The following GLIS3 variants were observed in gnomAD, a reference collection of about 807,000 sequenced individuals.
GLIS3 encodes the protein zinc finger protein GLIS3.
In GLIS3, 53 loss-of-function variants were observed where a neutral mutation model predicts 78.6. The ratio of observed to expected loss-of-function variants is 0.67; its 90% CI spans 0.54 to 0.85. GLIS3 has a LOEUF of 0.85. Among genes scored for constraint, GLIS3 ranks in the 40% least tolerant of loss-of-function variants. GLIS3 has a pLI of 0.00. For missense variants in GLIS3, 1,703 were observed against 1,231.1 expected (o/e 1.38, Z -5.74); for synonymous variants, 684 against 509.9 (o/e 1.34, Z -4.60).
chr9:4,193,812 A>C (rs1818550938), intron 2 of GLIS3, among the ~76,000 whole-genome samples: 1 of 152,234 alleles, frequency 6.6e-6, no homozygotes, highest in South Asian at 2.1e-4. Flanking sequence ...CCGAACCTCC[A>C]TTCATTTTAC....
chr9:4,263,902 C>T (rs1448460159), intron 2 of GLIS3, among the ~76,000 whole-genome samples: 1 of 152,120 alleles, frequency 6.6e-6, no homozygotes, highest in Non-Finnish European at 1.5e-5. Context: ...CTTCATGGCT[C>T]AGTTATTGGC....
chr9:4,144,350 A>G (rs1208117010), intron 2 of GLIS3, among the ~76,000 whole-genome samples: 6 of 152,212 alleles, frequency 3.9e-5, no homozygotes, highest in Non-Finnish European at 8.8e-5. Flanking sequence ...ATTTTTTGAT[A>G]GGTTATAACA....
intron 4 of GLIS3, among the ~76,000 whole-genome samples, chr9:4,036,535 G>T (rs531577573): frequency 1.3e-5 from 2 of 152,248 alleles, no homozygotes; most frequent in East Asian, 3.9e-4. Context: ...AGCCAAAATG[G>T]GAGGATATAA....
chr9:4,410,131 C>A, the GLIS3 span, among the ~76,000 whole-genome samples: 1 of 150,772 alleles, frequency 6.6e-6, no homozygotes, highest in Non-Finnish European at 1.5e-5. Flanking sequence ...CCACCATGCC[C>A]GGCTATTTTT....
chr9:4,101,256 G>A (rs1259253575), intron 4 of GLIS3, among the ~76,000 whole-genome samples: 1 of 152,158 alleles, frequency 6.6e-6, no homozygotes, highest in Non-Finnish European at 1.5e-5. Flanking sequence ...GATTATGCAT[G>A]GGACAGTGCT....
At chr9:4,448,370 G>A in the GLIS3 span, among the ~76,000 whole-genome samples, 2 of 152,164 alleles carry the variant, frequency 1.3e-5, no homozygotes, top group Non-Finnish European at 2.9e-5. Context: ...CCCATCCCAT[G>A]CTTGTGAGCA....
intron 4 of GLIS3, among the ~76,000 whole-genome samples, chr9:4,059,185 G>C (rs1588566602): frequency 6.6e-6 from 1 of 152,166 alleles, no homozygotes; most frequent in African/African-American, 2.4e-5. Context: ...CAAGTCTTGA[G>C]ATCTGAGCAC....
At chr9:4,417,139 T>C in the GLIS3 span, among the ~76,000 whole-genome samples, 12 of 152,288 alleles carry the variant, frequency 7.9e-5, no homozygotes, top group African/African-American at 2.4e-4. Context: ...GAATAACAAA[T>C]AGTCGATGAC....
At chr9:3,962,705 G>A (rs368393095) in intron 4 of GLIS3, among the ~76,000 whole-genome samples, 1 of 152,128 alleles carries the variant, frequency 6.6e-6, no homozygotes, top group Admixed American at 6.6e-5. Context: ...CAAGAGAAAG[G>A]GGGGAATGTG....
intron 4 of GLIS3, among the ~76,000 whole-genome samples, chr9:3,976,158 A>G (rs937362118): frequency 1.3e-5 from 2 of 152,096 alleles, no homozygotes; most frequent in African/African-American, 4.8e-5. Flanking sequence ...TCCTGCCCCC[A>G]TATGTTTTGT....
intron 8 of GLIS3, among the ~76,000 whole-genome samples, chr9:3,861,923 G>A (rs1430390517): frequency 6.6e-6 from 1 of 151,314 alleles, no homozygotes; most frequent in Admixed American, 6.6e-5. Context: ...TCCTGCAAAT[G>A]TATCCCAGAA....
chr9:3,880,444 C>T (rs1359370256), intron 7 of GLIS3, among the ~76,000 whole-genome samples: 1 of 152,202 alleles, frequency 6.6e-6, no homozygotes, highest in Non-Finnish European at 1.5e-5. Flanking sequence ...GGGACCTACT[C>T]CGTAGACATC....
intron 4 of GLIS3, among the ~76,000 whole-genome samples, chr9:4,013,653 T>G (rs1054300678): frequency 6.6e-6 from 1 of 152,190 alleles, no homozygotes; most frequent in Non-Finnish European, 1.5e-5. Context: ...TGGCTTAAGT[T>G]ATTCTCTGGG....
At position 4,316,033 on chromosome 9, in the gene GLIS3, G is replaced by A. The variant is rs530976622; in HGVS notation, n.265-5505C>T. On this transcript the variant is annotated intron_variant and non_coding_transcript_variant, in intron 2 of 4. Transcript: ENST00000471664. ...AAGAAAACACATATTTATCTGGGAT[G>A]ATCACAATGGAAATTTTAAATACAT... is the stretch of plus-strand genomic sequence containing the variant. Among the ~76,000 whole-genome samples the A allele has an allele frequency of 1.2e-4, 18 of 152,278 alleles. No homozygotes were observed. The South Asian group carries it at 3.1e-3, about 26-fold the overall frequency.
intron 4 of GLIS3, among the ~76,000 whole-genome samples, chr9:4,022,385 G>T (rs531171214): frequency 9.2e-5 from 14 of 152,104 alleles, no homozygotes; most frequent in Non-Finnish European, 1.5e-4. Flanking sequence ...TTCAGCATGC[G>T]TTTTTAATGG....
chr9:3,934,805 T>G (rs1456151437), intron 5 of GLIS3, among the ~76,000 whole-genome samples: 3 of 152,176 alleles, frequency 2.0e-5, no homozygotes, highest in African/African-American at 7.2e-5. Flanking sequence ...TGTCAGCCAC[T>G]AGGGAAGGAC....
the GLIS3 span, among the ~76,000 whole-genome samples, chr9:4,384,474 TTC>T: frequency 6.6e-6 from 1 of 151,828 alleles, no homozygotes; most frequent in Admixed American, 6.6e-5. Flanking sequence ...TTGAAATTGT[TTC>T]TTTTTCTCTT....
the GLIS3 span, among the ~76,000 whole-genome samples, chr9:4,483,315 C>G: frequency 4.5e-3 from 681 of 152,298 alleles, 1 homozygote; most frequent in Non-Finnish European, 5.3e-3. Flanking sequence ...ACATTAGAGA[C>G]CAAAGTGTCT....
chr9:4,137,010 G>C (rs1188161248), intron 2 of GLIS3, among the ~76,000 whole-genome samples: 7 of 152,162 alleles, frequency 4.6e-5, no homozygotes, highest in African/African-American at 7.2e-5. Flanking sequence ...TAGGAGCAGA[G>C]TTCACCCAAG....
Sources: gnomAD v4.1 joint callset for allele counts (sites outside exome capture counted in the v4.1 genomes callset) on GRCh38, gnomAD v4.1.1 for gene constraint, MANE v1.5 for transcripts, NCBI Gene and HGNC (gene_info 2026-07-23, HGNC 2026-07-21) for gene names.